Variants in MGAM2 observed in about 807,000 individuals in gnomAD.
The protein encoded by MGAM2 is maltase-glucoamylase 2 (putative).
Under a neutral mutation model 96.1 loss-of-function variants are expected in MGAM2, and 98 were observed. The ratio of observed to expected loss-of-function variants is 1.02; its 90% CI spans 0.87 to 1.21. The LOEUF (loss-of-function observed/expected upper bound fraction) is 1.21. Ranked by LOEUF, MGAM2 falls within the 50% of genes most tolerant of loss-of-function variation. The probability of loss-of-function intolerance (pLI) is 0.00; values close to 1 mark genes in which losing one functional copy is unlikely to be tolerated. For synonymous variants in MGAM2, 749 were observed against 414.8 expected, an observed-to-expected ratio of 1.81 and a Z score of -9.79; for missense variants, 2,055 against 1,182.4, an observed-to-expected ratio of 1.74 and a Z score of -10.82.
chr7:142,212,157 G>A (rs1797605536), intron 46 of MGAM2, among the ~76,000 whole-genome samples: 1 of 152,234 alleles, frequency 6.6e-6, no homozygotes, highest in African/African-American at 2.4e-5. Context: ...AATGCTGAGG[G>A]ATTTGGTCAC....
At chr7:142,218,214 TTATG>T (rs1295623108) in intron 46 of MGAM2, 143 bp from the exon 47 acceptor site, 1 of 479,876 alleles carries the variant, frequency 2.1e-6, no homozygotes, top group Non-Finnish European at 3.6e-6. Context: ...TGTATAATTA[TTATG>T]TATCAATAAA....
At chr7:142,143,587 CT>C (rs1176490328) in intron 12 of MGAM2, among the ~76,000 whole-genome samples, 181 bp from the exon 13 acceptor site, 2 of 152,098 alleles carry the variant, frequency 1.3e-5, no homozygotes, top group African/African-American at 4.8e-5. Flanking sequence ...GTTGCTTTTC[CT>C]TTTATTGTTT....
chr7:142,138,330 T>C lies in MGAM2; in HGVS notation c.961-212T>C, dbSNP rs1336426718. On this transcript the variant is annotated intron_variant, in intron 9 of 47. Coordinates refer to ENST00000477922, the MANE Select transcript of MGAM2 (RefSeq NM_001293626.2). The stretch of plus-strand genomic sequence containing the variant: ...CCAGTTTCCCCTAAGATGACACCAT[T>C]ACTGAAACATTTTCTGCAAATTTTA... 2.0e-5 allele frequency among the ~76,000 whole-genome samples: 3 copies of C among 151,512 alleles called. No homozygotes were observed. The East Asian group carries it at 5.8e-4, about 29-fold the overall frequency.
At position 142,222,147 on chromosome 7, in the gene MGAM2, T is replaced by G. The variant is rs375252830; in HGVS notation, c.*88T>G. On this transcript the variant is annotated 3_prime_UTR_variant, in exon 48 of 48. Transcript: ENST00000477922. ...AAAATCAGTTACGAGACACTCTATC[T>G]ATCTTATGCTACTTAAGTTTTCACG... is the stretch of plus-strand genomic sequence containing the variant. The G allele has an allele frequency of 9.8e-5, 39 of 396,642 alleles. No individual in the cohort carries two copies. Among genetic ancestry groups the G allele is most frequent in the East Asian group, 4.3e-4 (12 of 28,020 alleles). 24.6% of individuals were successfully genotyped at this position (396,642 alleles called of 1,614,324 possible).
chr7:142,195,345 C>G (rs367587072), intron 37 of MGAM2, among the ~76,000 whole-genome samples: 1 of 70,008 alleles, frequency 1.4e-5, no homozygotes, highest in African/African-American at 6.1e-5. Context: ...CCTTTTTACT[C>G]TTTTTTTTTT....
chr7:142,146,474 A>G (rs1465520664), intron 14 of MGAM2, among the ~76,000 whole-genome samples: 1 of 151,996 alleles, frequency 6.6e-6, no homozygotes, highest in African/African-American at 2.4e-5. Flanking sequence ...GCGTAGGAAA[A>G]ACTCAACCTC....
At chr7:142,140,975 G>A (rs1413707207) in intron 11 of MGAM2, 42 bp downstream of exon 11, 1 of 690,496 alleles carries the variant, frequency 1.4e-6, no homozygotes, top group Admixed American at 2.1e-5. Flanking sequence ...CCTTTGTAGT[G>A]CAAAAAATTT....
chr7:142,129,994 G>A (rs1794840965), intron 3 of MGAM2, among the ~76,000 whole-genome samples: 3 of 151,992 alleles, frequency 2.0e-5, no homozygotes, highest in Non-Finnish European at 4.4e-5. Flanking sequence ...AGGTGAGGAA[G>A]GTGAATGCCT....
At chr7:142,171,682 T>C (rs1056512724) in intron 28 of MGAM2, among the ~76,000 whole-genome samples, 5 of 141,970 alleles carry the variant, frequency 3.5e-5, no homozygotes, top group South Asian at 4.5e-4. Context: ...GAAATATGTA[T>C]ATATTTCCCT....
rs112572621 is a variant in MGAM2 at position 142,122,653 on chromosome 7, T to G, written c.186+2272T>G. 5.3e-3 allele frequency among the ~76,000 whole-genome samples: 800 copies of G among 152,314 alleles called. 7 individuals are homozygous for G. The highest frequency in any genetic ancestry group is 0.017 in the African/African-American group (717 of 41,578). On this transcript the variant is annotated intron_variant, in intron 3 of 47. Transcript: ENST00000477922. Reference sequence around the variant, plus strand: ...TGTAAAGCCTCTTTCATTCAGCACATTTTTGAGATTCATCTTTATTGTTGC... The same window carrying G: ...TGTAAAGCCTCTTTCATTCAGCACAGTTTTGAGATTCATCTTTATTGTTGC...
At chr7:142,146,512 G>T (rs1214556108) in intron 14 of MGAM2, among the ~76,000 whole-genome samples, 2 of 152,012 alleles carry the variant, frequency 1.3e-5, no homozygotes, top group African/African-American at 4.8e-5. Flanking sequence ...CCACTTTCTG[G>T]AATTGTGCCT....
At chr7:142,143,376 T>C (rs1795291288) in intron 12 of MGAM2, among the ~76,000 whole-genome samples, 1 of 152,222 alleles carries the variant, frequency 6.6e-6, no homozygotes, top group Non-Finnish European at 1.5e-5. Context: ...TTATTTATAA[T>C]CATACTTATT....
Position 142,159,336 on chromosome 7 carries a change from A to G in MGAM2, c.2213A>G (p.Tyr738Cys), listed in dbSNP as rs1431074231. The change falls in exon 20 of 48, where the codon TAT becomes TGT. Residue 738 changes from tyrosine to cysteine, a missense_variant. Transcript: ENST00000477922. The part of the protein sequence containing the change: ...AYIPDATWYD[Y>C]ETGVAISWRK... ...ATACCTGATGCCACCTGGTATGACTATGAGACAGTAAGTAAGGCAGCCCTG... is the reference window on the plus strand; with the variant it reads ...ATACCTGATGCCACCTGGTATGACTGTGAGACAGTAAGTAAGGCAGCCCTG... 3 of 702,316 alleles carry G rather than the reference A, an allele frequency of 4.3e-6. No individual in the cohort carries two copies. The highest frequency in any genetic ancestry group is 7.8e-6 in the Non-Finnish European group (3 of 384,570). 43.5% of individuals were successfully genotyped at this position (702,316 alleles called of 1,614,324 possible). A position where few individuals can be genotyped will look rare whatever the true frequency, so the allele number is the denominator to read the frequency against.
chr7:142,173,111 C>T (rs1049672079), intron 30 of MGAM2, 118 bp from the exon 31 acceptor site: 3 of 567,114 alleles, frequency 5.3e-6, no homozygotes, highest in Non-Finnish European at 9.5e-6. Flanking sequence ...TCTTATCTTT[C>T]TTGGGTGAGG....
At chr7:142,114,405 T>G (rs766891332) in intron 1 of MGAM2, among the ~76,000 whole-genome samples, 9 of 151,936 alleles carry the variant, frequency 5.9e-5, no homozygotes, top group African/African-American at 1.5e-4. Flanking sequence ...GTGGGAGCAT[T>G]TCCAGTGGAA....
In MGAM2 at chr7:142,145,187, C is replaced by T. The variant is rs533862095; in HGVS notation, c.1516+242C>T. Among the ~76,000 whole-genome samples, 18 of 152,254 alleles carry T rather than the reference C, an allele frequency of 1.2e-4. No homozygotes were observed. In the South Asian group the frequency reaches 3.3e-3, roughly 28 times the overall value. Reference sequence around the variant, plus strand: ...CTGCCTACCTCCCCTGGCTGCCCTTCCAGTCTAGAATTCAAAATGCTTTCA... The same window carrying T: ...CTGCCTACCTCCCCTGGCTGCCCTTTCAGTCTAGAATTCAAAATGCTTTCA... On this transcript the variant is annotated intron_variant, in intron 14 of 47. Coordinates refer to ENST00000477922, the MANE Select transcript of MGAM2 (RefSeq NM_001293626.2).
In MGAM2 at chr7:142,190,257, T is replaced by C. The variant is rs1796829176; in HGVS notation, c.4346+752T>C. 2.0e-5 allele frequency among the ~76,000 whole-genome samples: 3 copies of C among 149,406 alleles called. No individual in the cohort carries two copies. In the South Asian group the frequency reaches 6.3e-4, roughly 32 times the overall value. The stretch of plus-strand genomic sequence containing the variant: ...ATCAAGCTGTTTTCTAAAAAGGCTG[T>C]ACCATTTTACTTTTTTTTTTTTTTT... On this transcript the variant is annotated intron_variant, in intron 37 of 47. Transcript: ENST00000477922.
At chr7:142,126,983 G>A (rs1010345714) in intron 3 of MGAM2, among the ~76,000 whole-genome samples, 2 of 152,222 alleles carry the variant, frequency 1.3e-5, no homozygotes, top group African/African-American at 4.8e-5. Context: ...CTGCAAATCA[G>A]TGGTGGAAAC....
At chr7:142,169,985 C>A in intron 26 of MGAM2, 90 bp from the exon 27 acceptor site, 1 of 609,138 alleles carries the variant, frequency 1.6e-6, no homozygotes, top group South Asian at 2.0e-5. Flanking sequence ...GCAAACTGGT[C>A]AAAAACATGG....
Sources: allele counts gnomAD v4.1 joint callset (sites outside exome capture counted in the v4.1 genomes callset), GRCh38; gene constraint gnomAD v4.1.1; transcripts MANE v1.5; gene names NCBI Gene and HGNC (gene_info 2026-07-23, HGNC 2026-07-21).